Variants in NKAIN3 observed in about 807,000 individuals in gnomAD.
NKAIN3 encodes the protein sodium/potassium transporting ATPase interacting 3.
A neutral mutation model predicts 30.2 loss-of-function variants in NKAIN3; 25 were observed. That is an observed-to-expected ratio of 0.83 (90% CI 0.60 to 1.16). NKAIN3 has a LOEUF of 1.16. Ranked by LOEUF, NKAIN3 falls within the 50% of genes most tolerant of loss-of-function variation. NKAIN3 has a pLI of 0.00. For synonymous variants in NKAIN3, 91 were observed against 89.6 expected (o/e 1.02, Z -0.09); for missense variants, 225 against 254.1 (o/e 0.89, Z 0.78).
intron 1 of NKAIN3, among the ~76,000 whole-genome samples, chr8:62,353,537 C>T (rs1253981278): frequency 6.6e-6 from 1 of 152,072 alleles, no homozygotes; most frequent in East Asian, 1.9e-4. Flanking sequence ...GGTATATTAT[C>T]TGTTTTTTAA....
rs192880765 is a variant in NKAIN3, at chr8:62,774,344, T to A, written c.471+27215T>A. Reference sequence around the variant, plus strand: ...TGTTACCAAATATAAGATTATATTATCTGCAGACAAGGATCACTTAACTTA... The same window carrying A: ...TGTTACCAAATATAAGATTATATTAACTGCAGACAAGGATCACTTAACTTA... On this transcript the variant is annotated intron_variant, in intron 4 of 6. Coordinates refer to ENST00000623646, the MANE Select transcript of NKAIN3 (RefSeq NM_001304533.3). Among the ~76,000 whole-genome samples, 3 of 152,352 alleles carry A rather than the reference T, an allele frequency of 2.0e-5. No homozygotes were observed. In the East Asian group the frequency reaches 5.8e-4, roughly 29 times the overall value.
intron 3 of NKAIN3, among the ~76,000 whole-genome samples, chr8:62,648,920 G>T (rs769840304): frequency 1.3e-5 from 2 of 152,110 alleles, no homozygotes; most frequent in Non-Finnish European, 2.9e-5. Flanking sequence ...TTGGGAGATG[G>T]AGCAATGGCA....
At chr8:62,854,603 T>C (rs1320380135) in intron 4 of NKAIN3, among the ~76,000 whole-genome samples, 1 of 152,214 alleles carries the variant, frequency 6.6e-6, no homozygotes, top group Admixed American at 6.5e-5. Flanking sequence ...GCATGTTAGA[T>C]AGCTCTCTTG....
chr8:62,344,069 G>C (rs7813960), intron 1 of NKAIN3, among the ~76,000 whole-genome samples: 5,959 of 152,108 alleles, frequency 0.039, 426 homozygotes, highest in African/African-American at 0.14. Flanking sequence ...AGTTTGGATT[G>C]GTTGTTGAGA....
At chr8:62,291,456 T>C (rs894720402) in intron 1 of NKAIN3, among the ~76,000 whole-genome samples, 3 of 152,210 alleles carry the variant, frequency 2.0e-5, no homozygotes, top group Non-Finnish European at 4.4e-5. Context: ...TTCATTGGTT[T>C]CAAAGAACAT....
At chr8:62,883,046 C>T (rs1223363508) in intron 4 of NKAIN3, among the ~76,000 whole-genome samples, 4 of 152,086 alleles carry the variant, frequency 2.6e-5, no homozygotes, top group Admixed American at 6.6e-5. Context: ...TATTCTAGGA[C>T]GTATTGCTCT....
chr8:62,800,062 G>C (rs1486859576), intron 4 of NKAIN3, among the ~76,000 whole-genome samples: 3 of 152,116 alleles, frequency 2.0e-5, no homozygotes, highest in Non-Finnish European at 4.4e-5. Context: ...AGACTGGGAG[G>C]TGGGTGAGGG....
At chr8:62,896,591 T>TG (rs1165557234) in intron 4 of NKAIN3, among the ~76,000 whole-genome samples, 2 of 152,134 alleles carry the variant, frequency 1.3e-5, no homozygotes, top group South Asian at 2.1e-4. Flanking sequence ...CAAAAGACCA[T>TG]GCTGCTAATG....
chr8:62,546,165 T>A (rs1402064077), intron 1 of NKAIN3, among the ~76,000 whole-genome samples: 7 of 152,208 alleles, frequency 4.6e-5, no homozygotes, highest in African/African-American at 1.7e-4. Flanking sequence ...TGTCTTATTC[T>A]TACCTTTGTC....
chr8:62,987,694 C>T (rs1824232577), downstream of NKAIN3, among the ~76,000 whole-genome samples: 1 of 152,096 alleles, frequency 6.6e-6, no homozygotes, highest in South Asian at 2.1e-4. Context: ...GGAATTATGA[C>T]AGCTACAATT....
intron 4 of NKAIN3, among the ~76,000 whole-genome samples, chr8:62,840,007 G>A (rs936875822): frequency 1.1e-4 from 16 of 152,078 alleles, no homozygotes; most frequent in African/African-American, 3.9e-4. Context: ...ATTGAGGATA[G>A]AAGTAAATTT....
At chr8:62,923,121 A>G (rs1822330824) in intron 5 of NKAIN3, among the ~76,000 whole-genome samples, 1 of 151,960 alleles carries the variant, frequency 6.6e-6, no homozygotes, top group Non-Finnish European at 1.5e-5. Flanking sequence ...ACACGGTGAG[A>G]CCTCATCTCT....
At chr8:62,856,853 TG>T (rs1317175344) in intron 4 of NKAIN3, 98 of 596,698 alleles carry the variant, frequency 1.6e-4, no homozygotes, top group Non-Finnish European at 3.0e-4. Context: ...TCTCAAACAC[TG>T]TTTATGATCT....
At chr8:62,514,595 T>C (rs1807922875) in intron 1 of NKAIN3, among the ~76,000 whole-genome samples, 1 of 152,192 alleles carries the variant, frequency 6.6e-6, no homozygotes, top group Non-Finnish European at 1.5e-5. Flanking sequence ...AAATGTAGGC[T>C]GATAGTAGTT....
At chr8:62,995,917 A>G (rs889195669) in intron 5 of NKAIN3, among the ~76,000 whole-genome samples, 1 of 152,254 alleles carries the variant, frequency 6.6e-6, no homozygotes, top group Admixed American at 6.5e-5. Context: ...GCCTCACCTC[A>G]GACTGAATCA....
chr8:62,906,727 A>G (rs1821790208), intron 4 of NKAIN3, among the ~76,000 whole-genome samples: 1 of 152,152 alleles, frequency 6.6e-6, no homozygotes, highest in Non-Finnish European at 1.5e-5. Flanking sequence ...GTAAGACATG[A>G]TTTTACTCAT....
chr8:62,330,971 C>G (rs1815325608), intron 1 of NKAIN3, among the ~76,000 whole-genome samples: 1 of 151,746 alleles, frequency 6.6e-6, no homozygotes, highest in Non-Finnish European at 1.5e-5. Context: ...TCATTTTTCT[C>G]TAATCTCTAG....
At chr8:62,361,849 C>G (rs1361053902) in intron 1 of NKAIN3, among the ~76,000 whole-genome samples, 1 of 152,162 alleles carries the variant, frequency 6.6e-6, no homozygotes. Flanking sequence ...TAACTCCAGA[C>G]TTTGTATATA....
chr8:62,881,981 T>A (rs2130814400), intron 4 of NKAIN3, among the ~76,000 whole-genome samples: 1 of 152,336 alleles, frequency 6.6e-6, no homozygotes, highest in Non-Finnish European at 1.5e-5. Context: ...TTGTTTTAAT[T>A]TGCAATACCT....
Sources: gnomAD v4.1 joint callset for allele counts (sites outside exome capture counted in the v4.1 genomes callset) on GRCh38, gnomAD v4.1.1 for gene constraint, MANE v1.5 for transcripts, NCBI Gene and HGNC (gene_info 2026-07-23, HGNC 2026-07-21) for gene names.